The following MAP1B variants were observed in gnomAD, a reference collection of about 807,000 sequenced individuals.
MAP1B encodes the protein microtubule-associated protein 1B.
In MAP1B, 12 loss-of-function variants were observed where a neutral mutation model predicts 176.1. The ratio of observed to expected loss-of-function variants is 0.07; its 90% CI spans 0.04 to 0.11. The LOEUF (loss-of-function observed/expected upper bound fraction) is 0.11. Among genes scored for constraint, MAP1B ranks in the 10% least tolerant of loss-of-function variants. The pLI, the probability that MAP1B is intolerant of heterozygous loss-of-function variation, is 1.00. For synonymous variants in MAP1B, 1,044 were observed against 1,135.0 expected, an observed-to-expected ratio of 0.92 and a Z score of 1.61; for missense variants, 2,523 against 2,990.5, an observed-to-expected ratio of 0.84 and a Z score of 3.65.
rs749547451 is a variant in MAP1B, at chr5:72,196,000, G to C, written c.2645G>C (p.Arg882Thr). 2 of 1,614,234 alleles carry C rather than the reference G, an allele frequency of 1.2e-6. No individual in the cohort carries two copies. Among genetic ancestry groups the C allele is most frequent in the Non-Finnish European group, 1.7e-6 (2 of 1,180,054 alleles). Residue 882 changes from arginine (R) to threonine (T), a missense_variant, in exon 5 of 7, where the codon AGA becomes ACA. Coordinates refer to ENST00000296755, the MANE Select transcript of MAP1B (RefSeq NM_005909.5). ...GAAGCCTACGTCATCCAGAAGGAGA[G>C]AGAAGTCACCAAAGGTCCTGCCGAG... is the stretch of plus-strand genomic sequence containing the variant. Reference protein sequence around the residue: ...PVEAYVIQKEREVTKGPAESP... With the variant: ...PVEAYVIQKETEVTKGPAESP...
chr5:72,161,005 A>G (rs917391194), intron 2 of MAP1B, among the ~76,000 whole-genome samples: 1 of 152,216 alleles, frequency 6.6e-6, no homozygotes, highest in Non-Finnish European at 1.5e-5. Flanking sequence ...CACCATTTAC[A>G]TCATATGACT....
Position 72,142,503 on chromosome 5 carries a change from G to A in MAP1B, c.286+26704G>A, listed in dbSNP as rs138841604. 2.2e-3 allele frequency among the ~76,000 whole-genome samples: 333 copies of A among 152,284 alleles called. 1 individual carries two copies. Among genetic ancestry groups the A allele is most frequent in the Middle Eastern group, 0.01 (3 of 294 alleles). On this transcript the variant is annotated intron_variant, in intron 2 of 6. Coordinates refer to ENST00000296755, the MANE Select transcript of MAP1B (RefSeq NM_005909.5). ...CTAGGCGTTTCTAAGCCAGGAGACC[G>A]GAGCTCGCTGAGGAATAATTATGTG...
intron 2 of MAP1B, among the ~76,000 whole-genome samples, chr5:72,177,965 C>T (rs2112203139): frequency 6.6e-6 from 1 of 152,162 alleles, no homozygotes; most frequent in Middle Eastern, 3.4e-3. Context: ...TTCCTTCCTC[C>T]CTTCCCTCCT....
At chr5:72,131,797 T>C (rs1028284913) in intron 2 of MAP1B, among the ~76,000 whole-genome samples, 1 of 152,244 alleles carries the variant, frequency 6.6e-6, no homozygotes, top group Non-Finnish European at 1.5e-5. Flanking sequence ...GTCTTCTCTG[T>C]ACTTGCTTAT....
chr5:72,126,552 C>T (rs923316836), intron 2 of MAP1B, among the ~76,000 whole-genome samples: 6 of 152,206 alleles, frequency 3.9e-5, no homozygotes, highest in African/African-American at 1.2e-4. Context: ...TCCTGTAAAA[C>T]ACAATCTGGG....
intron 2 of MAP1B, among the ~76,000 whole-genome samples, chr5:72,125,132 G>A (rs1484111538): frequency 6.6e-6 from 1 of 152,158 alleles, no homozygotes; most frequent in Non-Finnish European, 1.5e-5. Context: ...AATGGAGCTC[G>A]ATGCCTGTTT....
intron 5 of MAP1B, among the ~76,000 whole-genome samples, chr5:72,202,792 T>G (rs1437062681): frequency 6.6e-6 from 1 of 152,224 alleles, no homozygotes; most frequent in Non-Finnish European, 1.5e-5. Flanking sequence ...ACTTCCTAAC[T>G]GGAACAAGTT....
intron 1 of MAP1B, among the ~76,000 whole-genome samples, chr5:72,114,570 C>T (rs1745400252): frequency 1.3e-5 from 2 of 152,214 alleles, no homozygotes; most frequent in African/African-American, 4.8e-5. Context: ...ACTGGCTCCA[C>T]CATGAGCAAC....
In MAP1B at chr5:72,107,641, T is replaced by A. The variant is rs377063933; in HGVS notation, c.110T>A (p.Phe37Tyr). The A allele has an allele frequency of 6.2e-7, 1 of 1,600,252 alleles. No individual in the cohort carries two copies. Among genetic ancestry groups the A allele is most frequent in the African/African-American group, 1.3e-5 (1 of 74,878 alleles). The change falls in exon 1 of 7, where the codon TTC becomes TAC. Residue 37 changes from phenylalanine (F) to tyrosine (Y), a missense_variant. Coordinates refer to ENST00000296755, the MANE Select transcript of MAP1B (RefSeq NM_005909.5). Reference sequence around the variant, plus strand: ...TCGCACCGCTTCCTTGACAGCAAGTTCTACTTGCTGGTGGTCGTCGGCGAG... The same window carrying A: ...TCGCACCGCTTCCTTGACAGCAAGTACTACTTGCTGGTGGTCGTCGGCGAG... ...SLSHRFLDSK[F>Y]YLLVVVGEIV...
chr5:72,183,703 C>T (rs1300418160), intron 2 of MAP1B, 40 bp from the exon 3 acceptor site: 1 of 1,544,804 alleles, frequency 6.5e-7, no homozygotes, highest in African/African-American at 1.4e-5. Flanking sequence ...TCTGGAAAAG[C>T]TAAAGGTCTC....
intron 2 of MAP1B, among the ~76,000 whole-genome samples, chr5:72,163,108 G>T (rs542817353): frequency 6.4e-4 from 97 of 151,476 alleles, no homozygotes; most frequent in Non-Finnish European, 1.1e-3. Flanking sequence ...CGTGCCTATA[G>T]TCCCAGCTAC....
intron 2 of MAP1B, among the ~76,000 whole-genome samples, chr5:72,169,907 A>G (rs16875704): frequency 0.041 from 6,310 of 152,294 alleles, 250 homozygotes; most frequent in African/African-American, 0.095. Context: ...GGAAATAAAA[A>G]TATGAGCTGA....
intron 2 of MAP1B, among the ~76,000 whole-genome samples, chr5:72,142,283 C>T (rs554747954): frequency 6.6e-5 from 10 of 152,264 alleles, no homozygotes; most frequent in Admixed American, 2.6e-4. Context: ...GAGTCCTGGG[C>T]GGTCGCTTAT....
chr5:72,195,953 A>G lies in MAP1B; in HGVS notation c.2598A>G (p.Lys866=). The G allele has an allele frequency of 6.2e-7, 1 of 1,614,240 alleles. No individual in the cohort carries two copies. Among genetic ancestry groups the G allele is most frequent in the South Asian group, 1.1e-5 (1 of 91,082 alleles). The change falls in exon 5 of 7, where the codon AAA becomes AAG. Residue 866 remains lysine (K), a synonymous_variant. Transcript: ENST00000296755. ...PQLELIEDEE[K]LKETEPVEAY... The stretch of plus-strand genomic sequence containing the variant: ...TGGAGCTAATCGAAGACGAAGAGAA[A>G]CTGAAGGAAACTGAGCCAGTCGAAG...
At position 72,205,336 on chromosome 5, in the gene MAP1B, G is replaced by C; in HGVS notation, c.*97G>C. 1 of 1,278,900 alleles carries C rather than the reference G, an allele frequency of 7.8e-7. No individual in the cohort carries two copies. The highest frequency in any genetic ancestry group is 1.4e-5 in the South Asian group (1 of 70,192). 79.2% of individuals were successfully genotyped at this position (1,278,900 alleles called of 1,614,324 possible). ...CTAAAAAGTCAATTCATCTAGTTAA[G>C]TCGCTGAACAATTACCTGCCAAATG... On this transcript the variant is annotated 3_prime_UTR_variant, in exon 7 of 7. Coordinates refer to ENST00000296755, the MANE Select transcript of MAP1B (RefSeq NM_005909.5).
At chr5:72,109,300 A>G (rs972601589) in intron 1 of MAP1B, among the ~76,000 whole-genome samples, 10 of 152,168 alleles carry the variant, frequency 6.6e-5, no homozygotes, top group African/African-American at 2.4e-4. Context: ...AAATTCAAGA[A>G]CAAGAGATAT....
chr5:72,118,209 C>T (rs141859606), intron 2 of MAP1B, among the ~76,000 whole-genome samples: 278 of 152,268 alleles, frequency 1.8e-3, no homozygotes, highest in African/African-American at 6.4e-3. Context: ...CAGGGTCTCA[C>T]TATGTTGCCC....
At chr5:72,167,610 C>G (rs1044243600) in intron 2 of MAP1B, among the ~76,000 whole-genome samples, 1 of 152,124 alleles carries the variant, frequency 6.6e-6, no homozygotes, top group African/African-American at 2.4e-5. Context: ...TTCTTTAAAT[C>G]AAATAAAAAC....
intron 2 of MAP1B, among the ~76,000 whole-genome samples, chr5:72,176,842 C>T: frequency 6.6e-6 from 1 of 152,204 alleles, no homozygotes; most frequent in Non-Finnish European, 1.5e-5. Context: ...AGTTCTTTTC[C>T]AAGCCTCAGG....
Sources: allele counts gnomAD v4.1 joint callset (sites outside exome capture counted in the v4.1 genomes callset), GRCh38; gene constraint gnomAD v4.1.1; transcripts MANE v1.5; gene names NCBI Gene and HGNC (gene_info 2026-07-23, HGNC 2026-07-21).